The following KAT6B variants were observed in gnomAD, a reference collection of about 807,000 sequenced individuals.
KAT6B encodes the protein histone acetyltransferase KAT6B.
In KAT6B, 10 loss-of-function variants were observed where a neutral mutation model predicts 187.5. That is an observed-to-expected ratio of 0.05 (90% CI 0.03 to 0.09). The LOEUF (loss-of-function observed/expected upper bound fraction) is 0.09, where lower values mean the gene tolerates loss of function less well. Ranked by LOEUF, KAT6B falls within the 10% of genes least tolerant of loss-of-function variation. The probability of loss-of-function intolerance (pLI) is 1.00; values close to 1 mark genes in which losing one functional copy is unlikely to be tolerated. For synonymous variants in KAT6B, 861 were observed against 926.8 expected (o/e 0.93, Z 1.29); for missense variants, 1,952 against 2,558.9 (o/e 0.76, Z 5.12).
intron 12 of KAT6B, 100 bp from the exon 13 acceptor site, chr10:74,988,919 C>T: frequency 1.2e-6 from 1 of 832,768 alleles, no homozygotes; most frequent in African/African-American, 1.7e-5. Flanking sequence ...AACCCATTGG[C>T]TTTCTTTAGT....
intron 3 of KAT6B, among the ~76,000 whole-genome samples, chr10:74,919,218 AT>A (rs1393147630): frequency 6.6e-6 from 1 of 152,066 alleles, no homozygotes; most frequent in Non-Finnish European, 1.5e-5. Context: ...GCAAAACTCC[AT>A]ATCTATCTAT....
At chr10:74,894,186 A>G (rs1845832288) in intron 3 of KAT6B, among the ~76,000 whole-genome samples, 1 of 151,954 alleles carries the variant, frequency 6.6e-6, no homozygotes, top group African/African-American at 2.4e-5. Context: ...GGTTCAAGCC[A>G]TTCTCCTGCC....
chr10:74,960,085 T>A lies in KAT6B; in HGVS notation c.730+7T>A, dbSNP rs571475726. ...GCAGATTGTGGCAGTAGTGGTAAGTTGTGTTTTTCCTATGTGTTGTACAAT... is the reference window on the plus strand; with the variant it reads ...GCAGATTGTGGCAGTAGTGGTAAGTAGTGTTTTTCCTATGTGTTGTACAAT... On this transcript the variant is annotated splice_region_variant and intron_variant, in intron 4 of 17. Transcript: ENST00000287239. The A allele has an allele frequency of 6.6e-5, 103 of 1,553,902 alleles. No homozygotes were observed. The South Asian group carries it at 1.1e-3, about 17-fold the overall frequency.
chr10:74,939,050 A>AAC (rs112617639), intron 3 of KAT6B, among the ~76,000 whole-genome samples: 13,774 of 145,690 alleles, frequency 0.095, 1,512 homozygotes, highest in African/African-American at 0.27. Flanking sequence ...TTATTTTCTT[A>AAC]ACACACACAC....
rs756609904 is a variant in KAT6B, at chr10:74,975,572, A to G, written c.1235A>G (p.Lys412Arg). ...TDPTRPGATTKITTTSTYISA... is the reference protein window; with the variant it reads ...TDPTRPGATTRITTTSTYISA... ...CCCACTCGGCCTGGTGCCACCACCA[A>G]AATCACCACCACCTCCACCTACATT... The change falls in exon 8 of 18, where the codon AAA (lysine) becomes AGA (arginine). Residue 412 changes from lysine to arginine, a missense_variant. Physicochemically the swap from Lys to Arg is conservative, Grantham distance 26 (BLOSUM62 2). Transcript: ENST00000287239. 2.7e-5 allele frequency: 44 copies of G among 1,613,966 alleles called. No homozygotes were observed. The highest frequency in any genetic ancestry group is 2.7e-5 in the Non-Finnish European group (32 of 1,180,024).
At chr10:74,939,172 G>A (rs955725743) in intron 3 of KAT6B, among the ~76,000 whole-genome samples, 1 of 152,122 alleles carries the variant, frequency 6.6e-6, no homozygotes, top group Non-Finnish European at 1.5e-5. Context: ...TAGGAGAGCA[G>A]AGTTTGGTTT....
At chr10:74,906,682 T>G (rs1846783945) in intron 3 of KAT6B, among the ~76,000 whole-genome samples, 1 of 152,256 alleles carries the variant, frequency 6.6e-6, no homozygotes, top group Non-Finnish European at 1.5e-5. Flanking sequence ...TAAACTATGC[T>G]TAAGAGACCA....
chr10:74,834,508 T>G (rs1408984109), intron 1 of KAT6B, among the ~76,000 whole-genome samples: 2 of 152,144 alleles, frequency 1.3e-5, no homozygotes, highest in African/African-American at 4.8e-5. Context: ...TTTCTGTTTT[T>G]CATTTTTAAA....
intron 3 of KAT6B, among the ~76,000 whole-genome samples, chr10:74,848,201 G>A (rs1842241179): frequency 6.6e-6 from 1 of 152,206 alleles, no homozygotes. Context: ...TTATAGGCAT[G>A]AGCCTCTGTG....
At chr10:75,021,408 T>C (rs1046449869) in intron 15 of KAT6B, 123 bp downstream of exon 15, 5 of 874,894 alleles carry the variant, frequency 5.7e-6, no homozygotes, top group Admixed American at 2.0e-5. Flanking sequence ...TGAAATGATA[T>C]GGCACTAATT....
chr10:75,018,820 A>G (rs1175846025), intron 13 of KAT6B, among the ~76,000 whole-genome samples: 2 of 152,088 alleles, frequency 1.3e-5, no homozygotes, highest in African/African-American at 2.4e-5. Flanking sequence ...GGGACTTTCA[A>G]TTGTGGGATC....
chr10:75,015,046 T>C (rs1172814059), intron 13 of KAT6B, among the ~76,000 whole-genome samples: 1 of 152,196 alleles, frequency 6.6e-6, no homozygotes. Flanking sequence ...GATGCTGGGC[T>C]CTGCCTCTCC....
intron 3 of KAT6B, among the ~76,000 whole-genome samples, chr10:74,865,663 G>C (rs1488319975): frequency 6.6e-6 from 1 of 151,934 alleles, no homozygotes; most frequent in Non-Finnish European, 1.5e-5. Flanking sequence ...TTACAGGCGT[G>C]CACCACCACG....
At chr10:74,923,955 G>A (rs1376996297) in intron 3 of KAT6B, among the ~76,000 whole-genome samples, 1 of 152,188 alleles carries the variant, frequency 6.6e-6, no homozygotes, top group Non-Finnish European at 1.5e-5. Flanking sequence ...TTAGGCCAGT[G>A]GTAATGGTGG....
At chr10:74,927,737 C>G (rs542436846) in intron 3 of KAT6B, among the ~76,000 whole-genome samples, 4 of 152,104 alleles carry the variant, frequency 2.6e-5, no homozygotes, top group Non-Finnish European at 2.9e-5. Flanking sequence ...CATCCACCAC[C>G]GCTGCAGTAG....
intron 3 of KAT6B, among the ~76,000 whole-genome samples, chr10:74,920,340 A>T (rs1411887828): frequency 6.6e-6 from 1 of 152,166 alleles, no homozygotes; most frequent in Non-Finnish European, 1.5e-5. Flanking sequence ...TAGGCTCCAG[A>T]TGTCACCAGA....
intron 3 of KAT6B, among the ~76,000 whole-genome samples, chr10:74,847,021 T>G (rs927012084): frequency 2.0e-5 from 3 of 152,244 alleles, no homozygotes; most frequent in Non-Finnish European, 4.4e-5. Flanking sequence ...GCTTTAACCT[T>G]GCCCGTCATT....
intron 9 of KAT6B, 71 bp downstream of exon 9, chr10:74,977,508 G>A: frequency 1.3e-6 from 2 of 1,560,346 alleles, no homozygotes; most frequent in South Asian, 1.1e-5. Flanking sequence ...TGGAATTACT[G>A]TGTTGATTTT....
chr10:74,893,476 G>GT (rs988348463), intron 3 of KAT6B, among the ~76,000 whole-genome samples: 194 of 143,806 alleles, frequency 1.3e-3, no homozygotes, highest in African/African-American at 3.7e-3. Context: ...TTTGTTTTTT[G>GT]TTTTTTTTTA....
Sources: allele counts gnomAD v4.1 joint callset (sites outside exome capture counted in the v4.1 genomes callset), GRCh38; gene constraint gnomAD v4.1.1; transcripts MANE v1.5; gene names NCBI Gene and HGNC (gene_info 2026-07-23, HGNC 2026-07-21).